Variants in RGPD4 observed in about 807,000 individuals in gnomAD.
The protein encoded by RGPD4 is RANBP2 like and GRIP domain containing 4.
A neutral mutation model predicts 141.1 loss-of-function variants in RGPD4; 84 were observed. The observed-to-expected ratio is 0.60, with a 90% CI of 0.50 to 0.71. RGPD4 has a LOEUF of 0.71. RGPD4 is among the 30% of genes least tolerant of loss of function. The pLI, the probability that RGPD4 is intolerant of heterozygous loss-of-function variation, is 0.00. For synonymous variants in RGPD4, 298 were observed against 566.8 expected (o/e 0.53, Z 6.74); for missense variants, 918 against 1,622.4 (o/e 0.57, Z 7.46).
chr2:107,827,608 G>A (rs866894342), intron 1 of RGPD4, among the ~76,000 whole-genome samples: 2 of 41,010 alleles, frequency 4.9e-5, no homozygotes, highest in East Asian at 4.0e-4. Context: ...GCCCGGCGGC[G>A]GCCTCGATGG....
chr2:107,846,758 G>T (rs532668274), intron 6 of RGPD4, among the ~76,000 whole-genome samples: 2 of 151,386 alleles, frequency 1.3e-5, no homozygotes, highest in South Asian at 2.1e-4. Flanking sequence ...GTGAGCCACC[G>T]CACAGGGCCA....
rs559977368 is a variant in RGPD4 at position 107,827,012 on chromosome 2, C to T, written c.-2C>T. ...CGTCTCGGGAGCCAGGTTGGTGGCGCGATGAGTTGCAGCAAGGCCTACGGG... is the reference window on the plus strand; with the variant it reads ...CGTCTCGGGAGCCAGGTTGGTGGCGTGATGAGTTGCAGCAAGGCCTACGGG... On this transcript the variant is annotated 5_prime_UTR_variant, in exon 1 of 23. Transcript: ENST00000408999. The T allele has an allele frequency of 2.5e-6, 4 of 1,598,106 alleles. No homozygotes were observed. In the East Asian group the frequency reaches 9.0e-5, roughly 36 times the overall value.
In RGPD4 at chr2:107,844,830, G is replaced by GTTTTTT. The variant is rs1222283120; in HGVS notation, c.782+1119_782+1124dup. 3.1e-3 allele frequency among the ~76,000 whole-genome samples: 81 copies of GTTTTTT among 26,178 alleles called. 2 individuals carry two copies. Among genetic ancestry groups the GTTTTTT allele is most frequent in the African/African-American group, 5.3e-3 (36 of 6,814 alleles). 17.2% of individuals were successfully genotyped at this position (26,178 alleles called of 152,430 possible). A position where few individuals can be genotyped will look rare whatever the true frequency, so the allele number is the denominator to read the frequency against. On this transcript the variant is annotated intron_variant, in intron 6 of 22. Transcript: ENST00000408999. Reference sequence around the variant, plus strand: ...TTCTTTCTTTCTTTCTTTCTTTTTTGTTTTTTTTTTTTTTTTTTTTTTTTG... The same window carrying GTTTTTT: ...TTCTTTCTTTCTTTCTTTCTTTTTTGTTTTTTTTTTTTTTTTTTTTTTTTTTTTTTG...
At chr2:107,829,324 C>T (rs533082777) in intron 1 of RGPD4, among the ~76,000 whole-genome samples, 2 of 39,364 alleles carry the variant, frequency 5.1e-5, no homozygotes, top group African/African-American at 2.1e-4. Context: ...TCCCGATGGG[C>T]GCTGCTCCCT....
At chr2:107,845,017 G>A (rs1681873081) in intron 6 of RGPD4, among the ~76,000 whole-genome samples, 1 of 140,916 alleles carries the variant, frequency 7.1e-6, no homozygotes, top group Admixed American at 7.2e-5. Context: ...TGTATTTTTA[G>A]TAGAGACGGG....
chr2:107,857,423 G>A (rs1239419840), intron 9 of RGPD4, among the ~76,000 whole-genome samples: 1 of 148,350 alleles, frequency 6.7e-6, no homozygotes, highest in African/African-American at 2.5e-5. Context: ...ACAGGTGTGA[G>A]CCACCGTGAC....
intron 6 of RGPD4, among the ~76,000 whole-genome samples, chr2:107,846,551 C>G (rs967634691): frequency 9.3e-5 from 14 of 150,990 alleles, no homozygotes; most frequent in Non-Finnish European, 1.9e-4. Flanking sequence ...ACTGCAACCT[C>G]TGCTTCCCAG....
At chr2:107,888,160 T>C (rs1457125795) in intron 22 of RGPD4, among the ~76,000 whole-genome samples, 1 of 148,792 alleles carries the variant, frequency 6.7e-6, no homozygotes, top group East Asian at 2.0e-4. Flanking sequence ...TATAGAACCT[T>C]ATCAGAAAAC....
At chr2:107,890,298 C>G (rs1391406968) in intron 22 of RGPD4, among the ~76,000 whole-genome samples, 1 of 56,938 alleles carries the variant, frequency 1.8e-5, no homozygotes, top group Non-Finnish European at 3.5e-5. Flanking sequence ...TGACTGTAAT[C>G]CCAACACTGT....
At chr2:107,878,572 G>A (rs1387339992) in intron 20 of RGPD4, among the ~76,000 whole-genome samples, 2 of 149,282 alleles carry the variant, frequency 1.3e-5, no homozygotes, top group Admixed American at 1.3e-4. Flanking sequence ...GCTTTTTTGG[G>A]CTGCTCCAAT....
rs1300187459 is a variant in RGPD4, at chr2:107,872,109, A to G, written c.4105A>G (p.Lys1369Glu). ...CAGGGCAGAACTCTACAGATATGAT[A>G]AAGATGTTGGTCAATGGAAAGAAAG... ...SHRAELYRYD[K>E]DVGQWKERGI... Residue 1369 changes from lysine to glutamate, a missense_variant, in exon 20 of 23, where the codon AAA (lysine) becomes GAA (glutamate). Physicochemically the swap from Lys to Glu is moderately conservative, Grantham distance 56. Transcript: ENST00000408999. 2.5e-6 allele frequency: 4 copies of G among 1,611,374 alleles called. No homozygotes were observed. Among genetic ancestry groups the G allele is most frequent in the Non-Finnish European group, 3.4e-6 (4 of 1,179,616 alleles).
chr2:107,880,121 A>T lies in RGPD4; in HGVS notation c.5064+14A>T. ...GAGCAAATTAAGGTGAGATCAGAAA[A>T]CCTGGCCACCATGAAAACTGCCAAT... On this transcript the variant is annotated intron_variant, in intron 21 of 22. Coordinates refer to ENST00000408999, the MANE Select transcript of RGPD4 (RefSeq NM_182588.3). 1 of 1,611,376 alleles carries T rather than the reference A, an allele frequency of 6.2e-7. No homozygotes were observed. Among genetic ancestry groups the T allele is most frequent in the African/African-American group, 1.3e-5 (1 of 74,462 alleles).
At position 107,872,766 on chromosome 2, in the gene RGPD4, G is replaced by A. The variant is rs1164474301; in HGVS notation, c.4762G>A (p.Val1588Ile). 4 of 1,611,334 alleles carry A rather than the reference G, an allele frequency of 2.5e-6. No homozygotes were observed. The highest frequency in any genetic ancestry group is 8.5e-7 in the Non-Finnish European group (1 of 1,179,862). ...AAGTAACAACAGTGAAACTAGTTCA[G>A]TAGCCCAGAGTGGATCTGAAAGCAA... ...LKSNNSETSSVAQSGSESKVE... is the reference protein window; with the variant it reads ...LKSNNSETSSIAQSGSESKVE... The change falls in exon 20 of 23, where the codon GTA (valine) becomes ATA (isoleucine). Residue 1588 changes from valine (V) to isoleucine (I), a missense_variant. Val to Ile is a conservative substitution (Grantham distance 29, BLOSUM62 3). Coordinates refer to ENST00000408999, the MANE Select transcript of RGPD4 (RefSeq NM_182588.3).
chr2:107,871,807 T>A lies in RGPD4; in HGVS notation c.3803T>A (p.Val1268Glu), dbSNP rs751575565. 2.5e-6 allele frequency: 4 copies of A among 1,611,622 alleles called. No homozygotes were observed. In the East Asian group the frequency reaches 8.9e-5, roughly 36 times the overall value. ...GATGATAGTGTCAGTAGTAGCTCAG[T>A]ACATGCTTCTCCATTGGCAAGTAGC... ...ALDDSVSSSS[V>E]HASPLASSPV... Residue 1268 changes from valine (V) to glutamate (E), a missense_variant, in exon 20 of 23, where the codon GTA becomes GAA. By Grantham distance (121) the Val-to-Glu change is moderately radical (BLOSUM62 -2). Coordinates refer to ENST00000408999, the MANE Select transcript of RGPD4 (RefSeq NM_182588.3).
At chr2:107,880,552 T>A (rs937903187) in intron 21 of RGPD4, among the ~76,000 whole-genome samples, 1 of 151,774 alleles carries the variant, frequency 6.6e-6, no homozygotes, top group African/African-American at 2.4e-5. Context: ...CGTGAGCCAC[T>A]GCATCCAGCC....
In RGPD4 at chr2:107,886,667, A is replaced by AG. The variant is rs1416284995; in HGVS notation, c.5266+3800dup. ...GACTGTCAGTCTGACTGGTCACACT[A>AG]GGGGGGCATTTTGTTACCAAGGCCT... On this transcript the variant is annotated intron_variant, in intron 22 of 22. Coordinates refer to ENST00000408999, the MANE Select transcript of RGPD4 (RefSeq NM_182588.3). 3.3e-5 allele frequency among the ~76,000 whole-genome samples: 5 copies of AG among 152,026 alleles called. No individual in the cohort carries two copies. In the South Asian group the frequency reaches 1.0e-3, roughly 32 times the overall value.
chr2:107,827,025 C>G lies in RGPD4; in HGVS notation c.12C>G (p.Ser4Arg), dbSNP rs1292783258. Residue 4 changes from serine (S) to arginine (R), a missense_variant, in exon 1 of 23, where the codon AGC (serine) becomes AGG (arginine). Physicochemically the swap from Ser to Arg is moderately radical, Grantham distance 110. Transcript: ENST00000408999. ...AGGTTGGTGGCGCGATGAGTTGCAG[C>G]AAGGCCTACGGGGAGCGGTACGTCG... MSC[S>R]KAYGERYVAS... is the part of the protein sequence containing the mutation. 6.9e-6 allele frequency: 11 copies of G among 1,599,812 alleles called. No homozygotes were observed. The highest frequency in any genetic ancestry group is 1.1e-5 in the South Asian group (1 of 88,244).
intron 1 of RGPD4, among the ~76,000 whole-genome samples, chr2:107,827,790 C>T (rs1433257130): frequency 3.5e-5 from 1 of 28,750 alleles, no homozygotes; most frequent in Non-Finnish European, 6.7e-5. Flanking sequence ...GTTGAGGCGG[C>T]GGCCTCGACC....
In RGPD4 at chr2:107,879,998, A is replaced by G. The variant is rs1449168189; in HGVS notation, c.4955A>G (p.Lys1652Arg). The G allele has an allele frequency of 1.9e-6, 3 of 1,610,996 alleles. No individual in the cohort carries two copies. The highest frequency in any genetic ancestry group is 1.7e-6 in the Non-Finnish European group (2 of 1,179,430). The change falls in exon 21 of 23, where the codon AAA (lysine) becomes AGA (arginine). Residue 1652 changes from lysine (K) to arginine (R), a missense_variant. Lys to Arg is a conservative substitution (Grantham distance 26, BLOSUM62 2). Coordinates refer to ENST00000408999, the MANE Select transcript of RGPD4 (RefSeq NM_182588.3). ...CCATTATGGCATGCTGAATTTACCA[A>G]AGAAGAATTGGTTCAGAAGCTCAGT... ...EPPLWHAEFT[K>R]EELVQKLSST...
Sources: allele counts gnomAD v4.1 joint callset (sites outside exome capture counted in the v4.1 genomes callset), GRCh38; gene constraint gnomAD v4.1.1; transcripts MANE v1.5; gene names NCBI Gene and HGNC (gene_info 2026-07-23, HGNC 2026-07-21).